The following GRIK2 variants were observed in gnomAD, a reference collection of about 807,000 sequenced individuals.
The protein encoded by GRIK2 is glutamate receptor ionotropic, kainate 2.
GRIK2 carries 32 observed loss-of-function variants against 100.3 expected under a neutral mutation model. The ratio of observed to expected loss-of-function variants is 0.32; its 90% CI spans 0.24 to 0.43. The LOEUF (loss-of-function observed/expected upper bound fraction) is 0.43. Ranked by LOEUF, GRIK2 falls within the 20% of genes least tolerant of loss-of-function variation. The pLI, the probability that GRIK2 is intolerant of heterozygous loss-of-function variation, is 1.00. For synonymous variants in GRIK2, 417 were observed against 389.4 expected, an observed-to-expected ratio of 1.07 and a Z score of -0.83; for missense variants, 843 against 1,114.9, an observed-to-expected ratio of 0.76 and a Z score of 3.47.
chr6:101,937,678 A>T (rs1033433203), intron 14 of GRIK2, among the ~76,000 whole-genome samples: 5 of 152,106 alleles, frequency 3.3e-5, no homozygotes, highest in Non-Finnish European at 7.4e-5. Flanking sequence ...TAAAACAAAC[A>T]TACAAACAAA....
intron 2 of GRIK2, among the ~76,000 whole-genome samples, chr6:101,621,353 T>C (rs1780151606): frequency 6.6e-6 from 1 of 152,020 alleles, no homozygotes; most frequent in South Asian, 2.1e-4. Context: ...CTGGGGAGGC[T>C]GAGGTGAGAG....
chr6:101,931,571 A>T (rs1790288114), intron 14 of GRIK2, among the ~76,000 whole-genome samples: 1 of 152,160 alleles, frequency 6.6e-6, no homozygotes, highest in South Asian at 2.1e-4. Context: ...GTTCTTCAAC[A>T]TCGAATAATT....
intron 4 of GRIK2, among the ~76,000 whole-genome samples, chr6:101,634,232 C>T (rs564439929): frequency 1.3e-5 from 2 of 152,034 alleles, no homozygotes; most frequent in African/African-American, 4.8e-5. Flanking sequence ...TCTAAGAGGA[C>T]TTAGGAGATA....
At chr6:102,002,268 G>A (rs1794980683) in intron 14 of GRIK2, among the ~76,000 whole-genome samples, 1 of 149,114 alleles carries the variant, frequency 6.7e-6, no homozygotes, top group Admixed American at 6.7e-5. Flanking sequence ...TTATGTGTGT[G>A]TGTATGTATG....
At chr6:101,430,773 CT>C in intron 2 of GRIK2, 1 of 237,042 alleles carries the variant, frequency 4.2e-6, no homozygotes. Flanking sequence ...CAACTAGCTC[CT>C]TTCCAGGGAG....
chr6:101,921,645 A>G (rs1789527790), intron 12 of GRIK2, among the ~76,000 whole-genome samples: 1 of 152,046 alleles, frequency 6.6e-6, no homozygotes, highest in African/African-American at 2.4e-5. Context: ...TGAGAGAGAT[A>G]AGGTAGACCA....
At chr6:101,961,818 C>G (rs899125279) in intron 14 of GRIK2, among the ~76,000 whole-genome samples, 2 of 152,058 alleles carry the variant, frequency 1.3e-5, no homozygotes, top group African/African-American at 4.8e-5. Context: ...TTGCTGCTGT[C>G]CAAGTAGATT....
intron 7 of GRIK2, among the ~76,000 whole-genome samples, chr6:101,733,708 C>CTTTTTTTTTTTTTTTTTTTTTTTTT (rs34438783): frequency 4.8e-5 from 4 of 83,938 alleles, no homozygotes; most frequent in African/African-American, 8.3e-5. Context: ...ATTCCTCTTT[C>CTTTTTTTTTTTTTTTTTTTTTTTTT]TTTTTTTTTT....
At chr6:101,860,052 C>A (rs1784648402) in intron 11 of GRIK2, among the ~76,000 whole-genome samples, 1 of 151,758 alleles carries the variant, frequency 6.6e-6, no homozygotes, top group African/African-American at 2.4e-5. Context: ...TGTTTGTCAC[C>A]TTCTTATTCT....
At chr6:101,967,930 A>C (rs1267190590) in intron 14 of GRIK2, among the ~76,000 whole-genome samples, 3 of 148,356 alleles carry the variant, frequency 2.0e-5, no homozygotes, top group South Asian at 2.2e-4. Context: ...AACCCCTCCC[A>C]CCCCCCACCA....
At chr6:101,760,917 C>T (rs1182677105) in intron 7 of GRIK2, among the ~76,000 whole-genome samples, 1 of 151,234 alleles carries the variant, frequency 6.6e-6, no homozygotes, top group Non-Finnish European at 1.5e-5. Context: ...ATATCATCTA[C>T]ACAGTGTCTG....
intron 2 of GRIK2, among the ~76,000 whole-genome samples, chr6:101,582,893 T>A (rs551190201): frequency 1.3e-4 from 20 of 150,062 alleles, no homozygotes; most frequent in Non-Finnish European, 2.2e-4. Flanking sequence ...CTCTTTCTTG[T>A]CCATAGCCAC....
chr6:101,658,207 T>C (rs143316660), intron 4 of GRIK2, among the ~76,000 whole-genome samples: 4 of 152,082 alleles, frequency 2.6e-5, no homozygotes, highest in Non-Finnish European at 2.9e-5. Flanking sequence ...CCTCCCCTAG[T>C]CCCTCACCCC....
At chr6:101,903,880 A>G (rs1003163821) in intron 12 of GRIK2, among the ~76,000 whole-genome samples, 5 of 151,626 alleles carry the variant, frequency 3.3e-5, no homozygotes, top group African/African-American at 4.8e-5. Context: ...TTTACAAATC[A>G]TCAGATACTA....
intron 7 of GRIK2, among the ~76,000 whole-genome samples, chr6:101,755,548 T>G (rs963336299): frequency 1.3e-5 from 2 of 152,172 alleles, no homozygotes; most frequent in African/African-American, 4.8e-5. Context: ...TCTAGAGAGT[T>G]TTCGAGAAGA....
intron 13 of GRIK2, among the ~76,000 whole-genome samples, chr6:101,925,262 A>T (rs543565484): frequency 6.6e-6 from 1 of 152,168 alleles, no homozygotes; most frequent in South Asian, 2.1e-4. Flanking sequence ...AAAATATTGC[A>T]TGCTCGGAAG....
chr6:101,953,070 C>A (rs1307953586), intron 14 of GRIK2, among the ~76,000 whole-genome samples: 1 of 152,080 alleles, frequency 6.6e-6, no homozygotes, highest in African/African-American at 2.4e-5. Context: ...TTTAACTGAA[C>A]TTTCATCTGT....
rs189940345 is a variant in GRIK2 at position 101,742,629 on chromosome 6, G to A, written c.951+56276G>A. Among the ~76,000 whole-genome samples, 182 of 152,224 alleles carry A rather than the reference G, an allele frequency of 1.2e-3. 1 individual carries two copies. The highest frequency in any genetic ancestry group is 4.2e-3 in the African/African-American group (175 of 41,548). On this transcript the variant is annotated intron_variant, in intron 7 of 16. Coordinates refer to ENST00000369134, the MANE Select transcript of GRIK2 (RefSeq NM_021956.5). ...GACAATTTGAGGCAAGGGCTTCCAG[G>A]CTATAGATAAATTGAAACATTTTTT...
intron 2 of GRIK2, among the ~76,000 whole-genome samples, chr6:101,492,793 G>C (rs766479944): frequency 2.0e-5 from 3 of 151,858 alleles, no homozygotes; most frequent in Non-Finnish European, 2.9e-5. Flanking sequence ...TATCACCAGA[G>C]ACAGCACAGA....
Sources: allele counts gnomAD v4.1 joint callset (sites outside exome capture counted in the v4.1 genomes callset), GRCh38; gene constraint gnomAD v4.1.1; transcripts MANE v1.5; gene names NCBI Gene and HGNC (gene_info 2026-07-23, HGNC 2026-07-21).